Variants in EXOC6B observed in about 807,000 individuals in gnomAD.
EXOC6B encodes SEC15 homolog B.
In EXOC6B, 54 loss-of-function variants were observed where a neutral mutation model predicts 113.5. The observed-to-expected ratio is 0.48, with a 90% CI of 0.38 to 0.60. The LOEUF (loss-of-function observed/expected upper bound fraction) is 0.60. Among genes scored for constraint, EXOC6B ranks in the 20% least tolerant of loss-of-function variants. The pLI is 0.00. For synonymous variants in EXOC6B, 357 were observed against 339.0 expected, an observed-to-expected ratio of 1.05 and a Z score of -0.58; for missense variants, 797 against 977.5, an observed-to-expected ratio of 0.82 and a Z score of 2.46.
chr2:72,272,249 A>G (rs62147636), intron 20 of EXOC6B, among the ~76,000 whole-genome samples: 18,242 of 152,166 alleles, frequency 0.12, 1,354 homozygotes, highest in Admixed American at 0.16. Flanking sequence ...TAGCTCATCA[A>G]CTTTTCTAAT....
intron 19 of EXOC6B, among the ~76,000 whole-genome samples, chr2:72,371,054 A>G (rs1026589928): frequency 6.6e-6 from 1 of 151,846 alleles, no homozygotes; most frequent in Non-Finnish European, 1.5e-5. Context: ...TCCTCCAAAA[A>G]AAAAAGAAGA....
intron 6 of EXOC6B, among the ~76,000 whole-genome samples, chr2:72,675,395 T>C (rs1257811982): frequency 6.6e-6 from 1 of 152,192 alleles, no homozygotes; most frequent in East Asian, 1.9e-4. Context: ...GCAAACTGGA[T>C]TAATTATTTG....
chr2:72,342,924 G>A (rs929683818), intron 19 of EXOC6B, among the ~76,000 whole-genome samples: 11 of 152,042 alleles, frequency 7.2e-5, no homozygotes, highest in African/African-American at 1.9e-4. Flanking sequence ...CTGCACTCCC[G>A]TGTTCACTAG....
intron 18 of EXOC6B, among the ~76,000 whole-genome samples, chr2:72,447,714 A>G (rs1696670323): frequency 6.6e-6 from 1 of 151,978 alleles, no homozygotes; most frequent in Admixed American, 6.6e-5. Flanking sequence ...ATTTCTCTAC[A>G]CTCTCCAAAC....
chr2:72,424,505 T>G (rs1695092467), intron 18 of EXOC6B, among the ~76,000 whole-genome samples: 1 of 152,150 alleles, frequency 6.6e-6, no homozygotes, highest in South Asian at 2.1e-4. Flanking sequence ...TTTTATATCA[T>G]CAAAAAACAA....
intron 19 of EXOC6B, among the ~76,000 whole-genome samples, chr2:72,338,914 C>CATACAA (rs1412782136): frequency 7.5e-6 from 1 of 133,442 alleles, no homozygotes; most frequent in African/African-American, 3.3e-5. Flanking sequence ...AGAACACACA[C>CATACAA]ATACACATAC....
At chr2:72,698,307 G>A (rs1678037785) in intron 6 of EXOC6B, among the ~76,000 whole-genome samples, 1 of 152,172 alleles carries the variant, frequency 6.6e-6, no homozygotes, top group African/African-American at 2.4e-5. Context: ...AGGAACAAGA[G>A]TGCTGAAAGC....
chr2:72,772,518 G>A lies in EXOC6B; in HGVS notation c.114-31049C>T, dbSNP rs568451217. On this transcript the variant is annotated intron_variant, in intron 1 of 21. Coordinates refer to ENST00000272427, the MANE Select transcript of EXOC6B (RefSeq NM_015189.3). Reference sequence around the variant, plus strand: ...GCCCCATTGCCAGTTAGTCATTGTGGATCCAAGCTTCAGGCCTGCTCCTGC... The same window carrying A: ...GCCCCATTGCCAGTTAGTCATTGTGAATCCAAGCTTCAGGCCTGCTCCTGC... Among the ~76,000 whole-genome samples, 11 of 152,228 alleles carry A rather than the reference G, an allele frequency of 7.2e-5. No individual in the cohort carries two copies. In the South Asian group the frequency reaches 2.3e-3, roughly 32 times the overall value.
At chr2:72,816,530 T>C (rs996103310) in intron 1 of EXOC6B, among the ~76,000 whole-genome samples, 2 of 152,152 alleles carry the variant, frequency 1.3e-5, no homozygotes, top group African/African-American at 2.4e-5. Context: ...AATGGGGAAA[T>C]AGAAGGAATG....
intron 20 of EXOC6B, among the ~76,000 whole-genome samples, chr2:72,235,433 T>C (rs1681904568): frequency 6.6e-6 from 1 of 152,076 alleles, no homozygotes; most frequent in Admixed American, 6.5e-5. Context: ...AGGGAGAGGA[T>C]CGAAAAACTA....
intron 6 of EXOC6B, among the ~76,000 whole-genome samples, chr2:72,708,205 G>A (rs1424680346): frequency 1.3e-5 from 2 of 152,044 alleles, no homozygotes; most frequent in African/African-American, 4.8e-5. Context: ...CACAAGGAAA[G>A]GCAAACATAT....
At chr2:72,223,263 T>C (rs553548593) in intron 20 of EXOC6B, among the ~76,000 whole-genome samples, 1 of 152,298 alleles carries the variant, frequency 6.6e-6, no homozygotes, top group South Asian at 2.1e-4. Flanking sequence ...CAAAGACTCA[T>C]TCAGCTTGTT....
At chr2:72,596,684 A>C (rs1329863021) in intron 6 of EXOC6B, among the ~76,000 whole-genome samples, 17 of 152,086 alleles carry the variant, frequency 1.1e-4, no homozygotes, top group Admixed American at 1.1e-3. Context: ...ATTTAATCAT[A>C]AGGCTACAGA....
chr2:72,413,484 A>G (rs1015032477), intron 18 of EXOC6B, among the ~76,000 whole-genome samples: 32 of 150,276 alleles, frequency 2.1e-4, no homozygotes, highest in African/African-American at 7.3e-4. Flanking sequence ...TCAGATCGAG[A>G]CCATCCTGGC....
chr2:72,738,779 C>A (rs1681121668), intron 2 of EXOC6B, among the ~76,000 whole-genome samples: 1 of 152,120 alleles, frequency 6.6e-6, no homozygotes, highest in African/African-American at 2.4e-5. Flanking sequence ...AGTTCAAGAC[C>A]AGCCTGGCCA....
intron 1 of EXOC6B, among the ~76,000 whole-genome samples, chr2:72,812,785 C>T (rs1310014734): frequency 6.6e-6 from 1 of 151,876 alleles, no homozygotes; most frequent in African/African-American, 2.4e-5. Flanking sequence ...TTAAAATATT[C>T]TGATAAGATT....
chr2:72,455,547 C>A (rs1697176953), intron 18 of EXOC6B, among the ~76,000 whole-genome samples: 1 of 152,046 alleles, frequency 6.6e-6, no homozygotes, highest in Admixed American at 6.6e-5. Flanking sequence ...TGGGAAGGAA[C>A]AAGGACTTTG....
At chr2:72,338,676 G>C (rs1468952891) in intron 19 of EXOC6B, among the ~76,000 whole-genome samples, 1 of 151,990 alleles carries the variant, frequency 6.6e-6, no homozygotes, top group African/African-American at 2.4e-5. Flanking sequence ...AATAGCATTA[G>C]AAAATGTGAA....
At chr2:72,360,938 A>G (rs898114586) in intron 19 of EXOC6B, among the ~76,000 whole-genome samples, 1 of 151,436 alleles carries the variant, frequency 6.6e-6, no homozygotes, top group African/African-American at 2.4e-5. Context: ...CTCAAAAAAA[A>G]AAAAAAAAAA....
Sources: gnomAD v4.1 joint callset for allele counts (sites outside exome capture counted in the v4.1 genomes callset) on GRCh38, gnomAD v4.1.1 for gene constraint, MANE v1.5 for transcripts, NCBI Gene and HGNC (gene_info 2026-07-23, HGNC 2026-07-21) for gene names.